Variants in IL17RD observed in about 807,000 individuals in gnomAD.
IL17RD encodes the protein interleukin 17 receptor D.
A neutral mutation model predicts 80.5 loss-of-function variants in IL17RD; 52 were observed. That is an observed-to-expected ratio of 0.65 (90% CI 0.52 to 0.81). IL17RD has a LOEUF of 0.81. IL17RD is among the 40% of genes least tolerant of loss of function. The pLI is 0.00. For missense variants in IL17RD, 1,024 were observed against 955.1 expected (o/e 1.07, Z -0.95); for synonymous variants, 416 against 391.8 (o/e 1.06, Z -0.73).
intron 1 of IL17RD, among the ~76,000 whole-genome samples, chr3:57,146,103 G>A (rs1433752008): frequency 6.6e-6 from 1 of 151,966 alleles, no homozygotes; most frequent in African/African-American, 2.4e-5. Flanking sequence ...AGGAACAAAG[G>A]TTTGCTGGCT....
At chr3:57,148,550 T>C (rs1202349594) in intron 1 of IL17RD, among the ~76,000 whole-genome samples, 2 of 152,206 alleles carry the variant, frequency 1.3e-5, no homozygotes, top group African/African-American at 4.8e-5. Flanking sequence ...ATTTGGTTTG[T>C]ACTAATAAAA....
At chr3:57,102,386 TG>T in intron 10 of IL17RD, 92 bp downstream of exon 10, 1 of 552,860 alleles carries the variant, frequency 1.8e-6, no homozygotes, top group Non-Finnish European at 3.0e-6. Context: ...GGCGCCATCC[TG>T]GAGGACCCAG....
At chr3:57,133,593 A>G (rs1265450540) in intron 1 of IL17RD, among the ~76,000 whole-genome samples, 1 of 152,230 alleles carries the variant, frequency 6.6e-6, no homozygotes, top group Admixed American at 6.5e-5. Flanking sequence ...GTCTTGGTCA[A>G]TTTTAGATTT....
rs561204340 is a variant in IL17RD at position 57,163,831 on chromosome 3, G to C, written c.126+1330C>G. Among the ~76,000 whole-genome samples, 27 of 148,966 alleles carry C rather than the reference G, an allele frequency of 1.8e-4. No homozygotes were observed. In the East Asian group the frequency reaches 5.5e-3, roughly 31 times the overall value. ...GGGTGGCGGGGGCGGAGGCAGAGCA[G>C]GGGTCATAGCCGTCTCCATAGCTTA... On this transcript the variant is annotated intron_variant, in intron 1 of 12. Coordinates refer to ENST00000296318, the MANE Select transcript of IL17RD (RefSeq NM_017563.5).
chr3:57,153,207 A>C (rs1279514420), intron 1 of IL17RD, among the ~76,000 whole-genome samples: 1 of 152,262 alleles, frequency 6.6e-6, no homozygotes, highest in Non-Finnish European at 1.5e-5. Context: ...TAAAAAGACA[A>C]CACAAGACTA....
chr3:57,133,036 A>G (rs144263249), intron 1 of IL17RD, among the ~76,000 whole-genome samples: 27 of 152,298 alleles, frequency 1.8e-4, no homozygotes, highest in African/African-American at 6.3e-4. Context: ...TGAATAATCT[A>G]TGTCTCTGAC....
intron 2 of IL17RD, 147 bp downstream of exon 2, chr3:57,120,109 A>C (rs1364641333): frequency 1.5e-6 from 1 of 652,374 alleles, no homozygotes; most frequent in Admixed American, 2.4e-5. Flanking sequence ...CCTAATTGAG[A>C]CTGAGCTGCT....
chr3:57,153,636 ACTTT>A (rs1354567276), intron 1 of IL17RD, among the ~76,000 whole-genome samples: 1 of 152,252 alleles, frequency 6.6e-6, no homozygotes, highest in African/African-American at 2.4e-5. Context: ...TGAATTGGTA[ACTTT>A]AGACAAAGGG....
At position 57,092,285 on chromosome 3, in the gene IL17RD, T is replaced by C. The variant is rs1706573241; in HGVS notation, c.*4108A>G. On this transcript the variant is annotated 3_prime_UTR_variant, in exon 13 of 13. Transcript: ENST00000296318. ...ACTATAAACAAAGCCCTTTAGGTTGTGGAGTTTAAATGAAATTGTTAGGCC... is the reference window on the plus strand; with the variant it reads ...ACTATAAACAAAGCCCTTTAGGTTGCGGAGTTTAAATGAAATTGTTAGGCC... The C allele has an allele frequency of 1.3e-5, 2 of 152,758 alleles. No homozygotes were observed. The highest frequency in any genetic ancestry group is 4.8e-5 in the African/African-American group (2 of 41,574). The allele number at this position is 152,758 out of a possible 1,614,324, so 9.5% of individuals were successfully genotyped here. A position where few individuals can be genotyped will look rare whatever the true frequency, so the allele number is the denominator to read the frequency against.
Position 57,097,651 on chromosome 3 carries a change from C to T in IL17RD, c.2052G>A (p.Thr684=), listed in dbSNP as rs1159304138. The T allele has an allele frequency of 1.9e-6, 3 of 1,599,214 alleles. No individual in the cohort carries two copies. The highest frequency in any genetic ancestry group is 8.5e-7 in the Non-Finnish European group (1 of 1,173,390). The change falls in exon 12 of 13, where the codon ACG becomes ACA. Residue 684 remains threonine (T), a synonymous_variant. Coordinates refer to ENST00000296318, the MANE Select transcript of IL17RD (RefSeq NM_017563.5). ...TCAGGGAAGACGTTTCTGTCTGGTC[C>T]GTCGAGAGTCCTTCCATCAGTGGCA... The part of the protein sequence containing the change: ...LSLPLMEGLS[T]DQTETSSLTE...
intron 8 of IL17RD, 49 bp from the exon 9 acceptor site, chr3:57,103,194 C>T: frequency 6.8e-7 from 1 of 1,471,476 alleles, no homozygotes; most frequent in Non-Finnish European, 9.3e-7. Context: ...TGATATATAC[C>T]AGGTAAGTGG....
intron 1 of IL17RD, 127 bp downstream of exon 1, chr3:57,165,034 C>A: frequency 7.4e-7 from 1 of 1,356,102 alleles, no homozygotes; most frequent in South Asian, 1.7e-5. Flanking sequence ...AGGAGTGAGA[C>A]CCAGGCCGGC....
intron 1 of IL17RD, among the ~76,000 whole-genome samples, chr3:57,152,393 G>A (rs1003468948): frequency 6.6e-6 from 1 of 152,182 alleles, no homozygotes; most frequent in Non-Finnish European, 1.5e-5. Flanking sequence ...GAATCTCTGC[G>A]GACCATTCTC....
At position 57,103,105 on chromosome 3, in the gene IL17RD, T is replaced by TA. The variant is rs763452469; in HGVS notation, c.853dup (p.Tyr285LeufsTer51). The TA allele has an allele frequency of 2.5e-5, 40 of 1,601,670 alleles. No individual in the cohort carries two copies. The highest frequency in any genetic ancestry group is 3.4e-5 in the Non-Finnish European group (40 of 1,173,472). On this transcript the variant is annotated frameshift_variant, in exon 9 of 13. Coordinates refer to ENST00000296318, the MANE Select transcript of IL17RD (RefSeq NM_017563.5). LOFTEE classifies it high-confidence loss of function. Reference sequence around the variant, plus strand: ...AAAGCACCTACCTGGCTTTAAGGCATAATGCATCACTTTTCTTGTTGTGTT... The same window carrying TA: ...AAAGCACCTACCTGGCTTTAAGGCATAAATGCATCACTTTTCTTGTTGTGTT...
At chr3:57,127,470 A>T (rs1182801162) in intron 1 of IL17RD, among the ~76,000 whole-genome samples, 2 of 146,648 alleles carry the variant, frequency 1.4e-5, no homozygotes, top group Non-Finnish European at 3.0e-5. Context: ...CAATAGCGTG[A>T]TCTTGGCTCA....
chr3:57,101,117 G>C (rs542781171), intron 11 of IL17RD, 62 bp downstream of exon 11: 1 of 1,372,314 alleles, frequency 7.3e-7, no homozygotes, highest in Middle Eastern at 1.9e-4. Context: ...AGAAGGCAGC[G>C]GGGAGAGAGT....
intron 1 of IL17RD, chr3:57,134,606 C>T (rs1369314554): frequency 4.0e-6 from 4 of 1,009,150 alleles, no homozygotes; most frequent in Non-Finnish European, 6.3e-6. Context: ...TGCAGGCTGA[C>T]CAGGCTAAGG....
intron 1 of IL17RD, among the ~76,000 whole-genome samples, chr3:57,149,161 T>C (rs1348413037): frequency 6.6e-6 from 1 of 152,072 alleles, no homozygotes; most frequent in Admixed American, 6.6e-5. Flanking sequence ...CTGGGTGTGG[T>C]GGCACTTGTC....
intron 1 of IL17RD, among the ~76,000 whole-genome samples, chr3:57,131,996 G>C (rs1476762244): frequency 6.6e-6 from 1 of 151,954 alleles, no homozygotes; most frequent in African/African-American, 2.4e-5. Context: ...GACCAGCCTG[G>C]GCAAAACGGT....
Sources: gnomAD v4.1 joint callset for allele counts (sites outside exome capture counted in the v4.1 genomes callset) on GRCh38, gnomAD v4.1.1 for gene constraint, MANE v1.5 for transcripts, NCBI Gene and HGNC (gene_info 2026-07-23, HGNC 2026-07-21) for gene names.